The following SLCO1B1 variants were observed in gnomAD, a reference collection of about 807,000 sequenced individuals.
SLCO1B1 encodes the protein solute carrier organic anion transporter family member 1B1, also known as OATP-2.
SLCO1B1 carries 81 observed loss-of-function variants against 70.1 expected under a neutral mutation model. That is an observed-to-expected ratio of 1.16 (90% CI 0.97 to 1.39). The LOEUF (loss-of-function observed/expected upper bound fraction) is 1.39. Among genes scored for constraint, SLCO1B1 ranks in the 40% most tolerant of loss-of-function variants. The probability of loss-of-function intolerance (pLI) is 0.00; values close to 1 mark genes in which losing one functional copy is unlikely to be tolerated. For synonymous variants in SLCO1B1, 283 were observed against 271.5 expected (o/e 1.04, Z -0.42); for missense variants, 895 against 799.6 (o/e 1.12, Z -1.44).
chr12:21,229,255 A>AGTCCACG (rs66555075), intron 14 of SLCO1B1, among the ~76,000 whole-genome samples: 1 of 64,656 alleles, frequency 1.5e-5, no homozygotes, highest in African/African-American at 5.4e-5. Context: ...TATCTCCCAG[A>AGTCCACG]GTCCACAGTT....
chr12:21,219,166 T>G (rs920683393), intron 12 of SLCO1B1, among the ~76,000 whole-genome samples: 1 of 151,984 alleles, frequency 6.6e-6, no homozygotes, highest in Admixed American at 6.6e-5. Context: ...ATAGAGTAAG[T>G]GTGAAGCACT....
intron 3 of SLCO1B1, among the ~76,000 whole-genome samples, chr12:21,174,345 T>A (rs1940792490): frequency 6.6e-6 from 1 of 152,152 alleles, no homozygotes; most frequent in Admixed American, 6.5e-5. Flanking sequence ...AATTTTTCAA[T>A]AAAATTTTAC....
At chr12:21,234,991 A>G (rs1205186714) in intron 14 of SLCO1B1, among the ~76,000 whole-genome samples, 1 of 148,042 alleles carries the variant, frequency 6.8e-6, no homozygotes, top group Non-Finnish European at 1.5e-5. Flanking sequence ...TTTTATGAAC[A>G]GATAAAAAAT....
intron 8 of SLCO1B1, among the ~76,000 whole-genome samples, chr12:21,197,969 G>A (rs938707012): frequency 6.6e-6 from 1 of 152,114 alleles, no homozygotes; most frequent in Non-Finnish European, 1.5e-5. Context: ...AGCAAGATAT[G>A]TGAATCAGTG....
intron 11 of SLCO1B1, among the ~76,000 whole-genome samples, chr12:21,206,414 C>G (rs1357173235): frequency 6.6e-6 from 1 of 151,812 alleles, no homozygotes; most frequent in Non-Finnish European, 1.5e-5. Flanking sequence ...ATGAGTTAAC[C>G]CATTGTCAGC....
intron 14 of SLCO1B1, among the ~76,000 whole-genome samples, chr12:21,228,009 A>T (rs1014141139): frequency 6.6e-6 from 1 of 152,082 alleles, no homozygotes; most frequent in African/African-American, 2.4e-5. Flanking sequence ...ATATATATTT[A>T]ATATGCATAT....
At chr12:21,172,564 G>T in intron 2 of SLCO1B1, 86 bp from the exon 3 acceptor site, 1 of 1,414,606 alleles carries the variant, frequency 7.1e-7, no homozygotes, top group Non-Finnish European at 1.0e-6. Flanking sequence ...AAGTAAAGAA[G>T]AAAGCTATTA....
intron 2 of SLCO1B1, among the ~76,000 whole-genome samples, chr12:21,143,227 T>C (rs1279743927): frequency 6.6e-6 from 1 of 152,036 alleles, no homozygotes; most frequent in African/African-American, 2.4e-5. Flanking sequence ...ATTTTTTAAA[T>C]AAAGGGTATT....
intron 12 of SLCO1B1, among the ~76,000 whole-genome samples, chr12:21,220,857 C>T (rs1028581903): frequency 1.3e-5 from 2 of 151,188 alleles, no homozygotes; most frequent in African/African-American, 4.8e-5. Flanking sequence ...ACCAATATCC[C>T]TGATGAACAT....
rs201342296 is a variant in SLCO1B1, at chr12:21,200,173, T to C, written c.971-335T>C. ...GAAAACCTAACATTTGCTGAATGAA[T>C]GAATAAGTGAATTAATATGTTTGCA... On this transcript the variant is annotated intron_variant, in intron 8 of 14. Transcript: ENST00000256958. Among the ~76,000 whole-genome samples the C allele has an allele frequency of 1.3e-4, 20 of 152,278 alleles. No individual in the cohort carries two copies. In the East Asian group the frequency reaches 3.1e-3, roughly 23 times the overall value.
chr12:21,214,841 C>T (rs1409250715), intron 11 of SLCO1B1, among the ~76,000 whole-genome samples: 2 of 152,130 alleles, frequency 1.3e-5, no homozygotes, highest in African/African-American at 4.8e-5. Flanking sequence ...TGCTGTCCGT[C>T]ACCCCTTTCT....
At chr12:21,149,916 CA>C (rs898978971) in intron 2 of SLCO1B1, among the ~76,000 whole-genome samples, 14 of 152,250 alleles carry the variant, frequency 9.2e-5, no homozygotes, top group South Asian at 2.1e-4. Flanking sequence ...CAGTGGATCC[CA>C]CCCCCATAGA....
intron 7 of SLCO1B1, among the ~76,000 whole-genome samples, chr12:21,196,635 GTAAT>G (rs1053943252): frequency 6.6e-6 from 1 of 152,076 alleles, no homozygotes; most frequent in Admixed American, 6.6e-5. Flanking sequence ...TCCACAGGTA[GTAAT>G]TAAACAGTCT....
At chr12:21,204,832 G>T (rs974893447) in intron 10 of SLCO1B1, among the ~76,000 whole-genome samples, 10 of 151,704 alleles carry the variant, frequency 6.6e-5, no homozygotes, top group African/African-American at 1.2e-4. Flanking sequence ...ATGGTGGATG[G>T]GGCAGGCAAA....
At chr12:21,172,823 C>T in intron 3 of SLCO1B1, 32 bp downstream of exon 3, 1 of 1,590,646 alleles carries the variant, frequency 6.3e-7, no homozygotes, top group South Asian at 1.1e-5. Flanking sequence ...AATAACCAAA[C>T]TTGCAAAGTT....
At chr12:21,237,147 A>G (rs1182039618) in intron 14 of SLCO1B1, among the ~76,000 whole-genome samples, 1 of 152,122 alleles carries the variant, frequency 6.6e-6, no homozygotes, top group Non-Finnish European at 1.5e-5. Context: ...TTAACTAAAT[A>G]GTCTATATGA....
chr12:21,135,814 G>T (rs1418840595), intron 1 of SLCO1B1, among the ~76,000 whole-genome samples: 1 of 152,116 alleles, frequency 6.6e-6, no homozygotes, highest in African/African-American at 2.4e-5. Context: ...TCTTTTAATT[G>T]CAGCATTTAG....
intron 7 of SLCO1B1, among the ~76,000 whole-genome samples, chr12:21,181,637 T>A (rs1283666232): frequency 6.6e-6 from 1 of 152,172 alleles, no homozygotes; most frequent in Non-Finnish European, 1.5e-5. Context: ...TGCATATGCT[T>A]TTTTATTTCT....
rs140730264 is a variant in SLCO1B1, at chr12:21,176,890, G to A, written c.474G>A (p.Val158=). 165 of 1,548,524 alleles carry A rather than the reference G, an allele frequency of 1.1e-4. No individual in the cohort carries two copies. The African/African-American group carries it at 1.9e-3, about 18-fold the overall frequency. ...TCAATAGAGCATCACCTGAGATAGT[G>A]GGAAAAGGTAAGAATTAATATTGAC... The part of the protein sequence containing the change: ...LSLNRASPEI[V]GKGCLKESGS... The change falls in exon 5 of 15, where the codon GTG becomes GTA. Residue 158 remains valine, a synonymous_variant. Coordinates refer to ENST00000256958, the MANE Select transcript of SLCO1B1 (RefSeq NM_006446.5).
Sources: allele counts gnomAD v4.1 joint callset (sites outside exome capture counted in the v4.1 genomes callset), GRCh38; gene constraint gnomAD v4.1.1; transcripts MANE v1.5; gene names NCBI Gene and HGNC (gene_info 2026-07-23, HGNC 2026-07-21).